Variants in ALDH1L1 observed in about 807,000 individuals in gnomAD.
ALDH1L1 encodes aldehyde dehydrogenase 1 family member L1, also known as cytosolic 10-formyltetrahydrofolate dehydrogenase.
In ALDH1L1, 68 loss-of-function variants were observed where a neutral mutation model predicts 101.1. That is an observed-to-expected ratio of 0.67 (90% CI 0.55 to 0.82). The LOEUF is 0.82. ALDH1L1 is among the 40% of genes least tolerant of loss of function. The pLI is 0.00. For synonymous variants in ALDH1L1, 486 were observed against 470.8 expected (o/e 1.03, Z -0.42); for missense variants, 1,087 against 1,172.7 (o/e 0.93, Z 1.07).
intron 19 of ALDH1L1, among the ~76,000 whole-genome samples, chr3:126,112,344 C>T (rs1946105481): frequency 1.3e-5 from 2 of 152,168 alleles, no homozygotes; most frequent in African/African-American, 4.8e-5. Flanking sequence ...AGGGGTATGC[C>T]TGTGTAGGGG....
intron 1 of ALDH1L1, among the ~76,000 whole-genome samples, chr3:126,173,159 G>C (rs937919527): frequency 6.6e-6 from 1 of 152,078 alleles, no homozygotes; most frequent in South Asian, 2.1e-4. Context: ...ACATACAAAA[G>C]AGTATTAGAA....
intron 20 of ALDH1L1, 110 bp from the exon 21 acceptor site, chr3:126,107,356 T>A: frequency 1.2e-6 from 1 of 847,150 alleles, no homozygotes; most frequent in Non-Finnish European, 2.0e-6. Context: ...TGACCCGACA[T>A]AAGCACCGGG....
intron 10 of ALDH1L1, 74 bp from the exon 11 acceptor site, chr3:126,136,957 C>T: frequency 6.7e-7 from 1 of 1,488,180 alleles, no homozygotes; most frequent in South Asian, 1.2e-5. Context: ...GCCACACAGT[C>T]ACACACACAC....
rs2108233685 is a variant in ALDH1L1 at position 126,130,299 on chromosome 3, A to G, written c.1624-6T>C. Reference sequence around the variant, plus strand: ...TTGATGGGGATGGTGGAGCCCTGGAAGAGGAACAGGGGCAGTCACCCAGGG... The same window carrying G: ...TTGATGGGGATGGTGGAGCCCTGGAGGAGGAACAGGGGCAGTCACCCAGGG... On this transcript the variant is annotated splice_region_variant and splice_polypyrimidine_tract_variant and intron_variant, in intron 13 of 22. Coordinates refer to ENST00000393434, the MANE Select transcript of ALDH1L1 (RefSeq NM_012190.4). 1 of 1,606,510 alleles carries G rather than the reference A, an allele frequency of 6.2e-7. No individual in the cohort carries two copies. The highest frequency in any genetic ancestry group is 8.5e-7 in the Non-Finnish European group (1 of 1,176,326).
intron 11 of ALDH1L1, among the ~76,000 whole-genome samples, chr3:126,136,441 A>AC (rs1185345810): frequency 6.6e-6 from 1 of 152,124 alleles, no homozygotes; most frequent in Non-Finnish European, 1.5e-5. Flanking sequence ...AGGTAGTCTC[A>AC]CACTGGGGCT....
At chr3:126,126,355 C>T (rs9862054) in intron 14 of ALDH1L1, among the ~76,000 whole-genome samples, 1 of 152,182 alleles carries the variant, frequency 6.6e-6, no homozygotes, top group Non-Finnish European at 1.5e-5. Flanking sequence ...TCCTGTGTGG[C>T]CCTGCCTTCC....
chr3:126,181,921 A>C (rs1484691064), upstream of ALDH1L1, among the ~76,000 whole-genome samples: 1 of 152,202 alleles, frequency 6.6e-6, no homozygotes, highest in African/African-American at 2.4e-5. Context: ...TCCAGCCTGC[A>C]GGTCTCCCTG....
chr3:126,188,901 C>T (rs1206987254), intron 1 of ALDH1L1, among the ~76,000 whole-genome samples: 1 of 152,132 alleles, frequency 6.6e-6, no homozygotes, highest in African/African-American at 2.4e-5. Flanking sequence ...AAACAATACA[C>T]CAAATGAAGA....
chr3:126,143,666 C>A (rs2080614239), intron 9 of ALDH1L1, among the ~76,000 whole-genome samples: 2 of 152,292 alleles, frequency 1.3e-5, no homozygotes, highest in Admixed American at 6.5e-5. Flanking sequence ...ATGTAGAAAT[C>A]TTTAAATGGG....
intron 22 of ALDH1L1, chr3:126,105,244 A>G: frequency 3.9e-6 from 1 of 255,000 alleles, no homozygotes; most frequent in East Asian, 8.9e-5. Context: ...ACCATGGCCC[A>G]TGGGCCTTCA....
chr3:126,135,386 G>A (rs2080410769), intron 12 of ALDH1L1, 149 bp downstream of exon 12: 2 of 1,057,110 alleles, frequency 1.9e-6, no homozygotes, highest in Non-Finnish European at 1.3e-6. Context: ...AGGAGCCCCA[G>A]CCTGGCCCAT....
At chr3:126,174,095 G>A (rs1264032173) in intron 1 of ALDH1L1, among the ~76,000 whole-genome samples, 2 of 152,312 alleles carry the variant, frequency 1.3e-5, no homozygotes, top group East Asian at 3.9e-4. Context: ...CTGGAGTGCA[G>A]TGGCACGATC....
Position 126,136,817 on chromosome 3 carries a change from C to A in ALDH1L1, c.1291G>T (p.Val431Leu), listed in dbSNP as rs769006288. ...GAGGTCTTGGCGCCCTCGGCATCCA[C>A]GAACTCCCCCCCAATGAAGAGCTGG... The part of the protein sequence containing the change: ...PHQLFIGGEF[V>L]DAEGAKTSET... The change falls in exon 11 of 23, where the codon GTG becomes TTG. Residue 431 changes from valine (V) to leucine (L), a missense_variant. By Grantham distance (32) the Val-to-Leu change is conservative (BLOSUM62 1). Coordinates refer to ENST00000393434, the MANE Select transcript of ALDH1L1 (RefSeq NM_012190.4). The A allele has an allele frequency of 3.7e-6, 6 of 1,606,230 alleles. No individual in the cohort carries two copies. Among genetic ancestry groups the A allele is most frequent in the Middle Eastern group, 3.3e-4 (2 of 6,056 alleles).
chr3:126,178,393 A>AAG (rs2081404086), intron 1 of ALDH1L1, among the ~76,000 whole-genome samples: 1 of 90,356 alleles, frequency 1.1e-5, no homozygotes. Context: ...AAAAAAAAAA[A>AAG]AAGAAAAAAA....
chr3:126,130,220 C>A lies in ALDH1L1; in HGVS notation c.1694+3G>T. 1.2e-6 allele frequency: 2 copies of A among 1,606,116 alleles called. No individual in the cohort carries two copies. The highest frequency in any genetic ancestry group is 2.3e-5 in the East Asian group (1 of 44,376). On this transcript the variant is annotated splice_donor_region_variant and intron_variant, in intron 14 of 22. Coordinates refer to ENST00000393434, the MANE Select transcript of ALDH1L1 (RefSeq NM_012190.4). ...CTGCACCTCGCCCTGGGCAGGAACTCACCCAACAGGCTCCTTCCTGGTCAA... is the reference window on the plus strand; with the variant it reads ...CTGCACCTCGCCCTGGGCAGGAACTAACCCAACAGGCTCCTTCCTGGTCAA...
Position 126,146,764 on chromosome 3 carries a change from G to A in ALDH1L1, c.1076+71C>T, listed in dbSNP as rs1353507835. The A allele has an allele frequency of 2.6e-6, 4 of 1,519,256 alleles. No individual in the cohort carries two copies. In the African/African-American group the frequency reaches 4.1e-5, roughly 16 times the overall value. 94.1% of individuals were successfully genotyped at this position (1,519,256 alleles called of 1,614,324 possible). A position where few individuals can be genotyped will look rare whatever the true frequency, so the allele number is the denominator to read the frequency against. ...GTGTAACAAATGGTTGTTTCCTGCTGCTCAGTTTTGCAGAGATTTGTGACA... is the reference window on the plus strand; with the variant it reads ...GTGTAACAAATGGTTGTTTCCTGCTACTCAGTTTTGCAGAGATTTGTGACA... On this transcript the variant is annotated intron_variant, in intron 9 of 22. Transcript: ENST00000393434.
intron 8 of ALDH1L1, among the ~76,000 whole-genome samples, chr3:126,149,528 T>C (rs1456616742): frequency 6.6e-6 from 1 of 152,240 alleles, no homozygotes; most frequent in Non-Finnish European, 1.5e-5. Flanking sequence ...TCCAGGGATA[T>C]CTTTGGAATA....
chr3:126,124,104 C>T (rs2080130799), intron 16 of ALDH1L1, among the ~76,000 whole-genome samples: 1 of 131,090 alleles, frequency 7.6e-6, no homozygotes, highest in South Asian at 2.4e-4. Flanking sequence ...TATTCCAGGG[C>T]GCGCGGACAC....
At chr3:126,106,736 G>T (rs1401817323) in intron 21 of ALDH1L1, among the ~76,000 whole-genome samples, 1 of 152,230 alleles carries the variant, frequency 6.6e-6, no homozygotes, top group Non-Finnish European at 1.5e-5. Flanking sequence ...GCCAGACACT[G>T]CATGGAGCAG....
Sources: allele counts gnomAD v4.1 joint callset (sites outside exome capture counted in the v4.1 genomes callset), GRCh38; gene constraint gnomAD v4.1.1; transcripts MANE v1.5; gene names NCBI Gene and HGNC (gene_info 2026-07-23, HGNC 2026-07-21).